Variants in GALNT17 observed in about 807,000 individuals in gnomAD.
GALNT17 encodes the protein UDP-GalNAc:polypeptide N-acetylgalactosaminyltransferase-like 3.
In GALNT17, 29 loss-of-function variants were observed where a neutral mutation model predicts 63.7. The ratio of observed to expected loss-of-function variants is 0.46; its 90% CI spans 0.34 to 0.62. The LOEUF is 0.62. Among genes scored for constraint, GALNT17 ranks in the 20% least tolerant of loss-of-function variants. GALNT17 has a pLI of 0.01. For synonymous variants in GALNT17, 305 were observed against 318.3 expected, an observed-to-expected ratio of 0.96 and a Z score of 0.45; for missense variants, 603 against 799.6, an observed-to-expected ratio of 0.75 and a Z score of 2.97.
At chr7:71,558,899 C>A (rs1224042024) in intron 5 of GALNT17, among the ~76,000 whole-genome samples, 3 of 152,154 alleles carry the variant, frequency 2.0e-5, no homozygotes, top group African/African-American at 7.2e-5. Context: ...CTTCAGTCAC[C>A]ACTGGCGTTT....
At position 71,175,851 on chromosome 7, in the gene GALNT17, T is replaced by C. The variant is rs140108653; in HGVS notation, c.238+42811T>C. Among the ~76,000 whole-genome samples, 43 of 152,202 alleles carry C rather than the reference T, an allele frequency of 2.8e-4. No individual in the cohort carries two copies. The East Asian group carries it at 7.7e-3, about 27-fold the overall frequency. ...AGGGGTTCAAGGCTGCAATGAGCCA[T>C]GTTTGTGCCACTACCCTCCAGCCTG... On this transcript the variant is annotated intron_variant, in intron 1 of 10. Coordinates refer to ENST00000333538, the MANE Select transcript of GALNT17 (RefSeq NM_022479.3).
At chr7:71,343,468 G>A (rs776218481) in intron 2 of GALNT17, among the ~76,000 whole-genome samples, 12 of 152,110 alleles carry the variant, frequency 7.9e-5, no homozygotes, top group Non-Finnish European at 1.5e-4. Flanking sequence ...CCATTTGTTT[G>A]TCACATTTCA....
intron 2 of GALNT17, among the ~76,000 whole-genome samples, chr7:71,358,352 G>A (rs944881701): frequency 6.6e-6 from 1 of 152,208 alleles, no homozygotes; most frequent in African/African-American, 2.4e-5. Flanking sequence ...TCGAGATTGC[G>A]CCATTGCACT....
At chr7:71,697,239 C>T (rs907879658) in intron 9 of GALNT17, among the ~76,000 whole-genome samples, 1 of 152,078 alleles carries the variant, frequency 6.6e-6, no homozygotes, top group Non-Finnish European at 1.5e-5. Flanking sequence ...ATGGTTATAA[C>T]CTGCAGGACT....
intron 3 of GALNT17, among the ~76,000 whole-genome samples, chr7:71,396,582 T>C (rs1210050144): frequency 6.6e-6 from 1 of 152,160 alleles, no homozygotes; most frequent in African/African-American, 2.4e-5. Flanking sequence ...TTTTTCAAGA[T>C]TGTTATGTCT....
intron 5 of GALNT17, among the ~76,000 whole-genome samples, chr7:71,445,179 CTTTTTTT>C (rs748963165): frequency 1.5e-5 from 2 of 130,428 alleles, no homozygotes; most frequent in South Asian, 2.5e-4. Flanking sequence ...TTCTTTCTTT[CTTTTTTT>C]TTTTTTTTTT....
At chr7:71,690,750 G>C (rs959268748) in intron 9 of GALNT17, among the ~76,000 whole-genome samples, 12 of 152,246 alleles carry the variant, frequency 7.9e-5, no homozygotes, top group African/African-American at 2.6e-4. Flanking sequence ...GGGTTTCAAG[G>C]CTTCAGTGGA....
At chr7:71,544,436 C>G (rs1383669211) in intron 5 of GALNT17, among the ~76,000 whole-genome samples, 1 of 152,000 alleles carries the variant, frequency 6.6e-6, no homozygotes, top group Non-Finnish European at 1.5e-5. Flanking sequence ...GCCACCACAC[C>G]CGGCCAAGGC....
At chr7:71,248,303 C>G (rs892734638) in intron 1 of GALNT17, among the ~76,000 whole-genome samples, 4 of 152,080 alleles carry the variant, frequency 2.6e-5, no homozygotes, top group Non-Finnish European at 5.9e-5. Context: ...TCCACTAGGT[C>G]CCCCCCTCAA....
intron 6 of GALNT17, among the ~76,000 whole-genome samples, chr7:71,642,526 T>A (rs1057396792): frequency 6.6e-6 from 1 of 152,148 alleles, no homozygotes; most frequent in Non-Finnish European, 1.5e-5. Flanking sequence ...AAGAAAGATT[T>A]TCCTTTACCA....
intron 1 of GALNT17, among the ~76,000 whole-genome samples, chr7:71,197,619 A>G (rs532942249): frequency 2.6e-5 from 4 of 152,162 alleles, no homozygotes; most frequent in Non-Finnish European, 5.9e-5. Context: ...AGCCTCTGGT[A>G]ACCATCCTTT....
intron 1 of GALNT17, among the ~76,000 whole-genome samples, chr7:71,166,581 G>C (rs1365418052): frequency 6.6e-6 from 1 of 152,172 alleles, no homozygotes; most frequent in African/African-American, 2.4e-5. Context: ...CCTCTTTCTA[G>C]AGTTTAACAT....
At chr7:71,239,821 A>C (rs567004179) in intron 1 of GALNT17, among the ~76,000 whole-genome samples, 1 of 152,232 alleles carries the variant, frequency 6.6e-6, no homozygotes, top group Non-Finnish European at 1.5e-5. Context: ...TAAGCCATCC[A>C]TTTAGGAAAT....
intron 1 of GALNT17, among the ~76,000 whole-genome samples, chr7:71,330,185 G>A (rs1028517628): frequency 4.6e-5 from 7 of 151,772 alleles, no homozygotes; most frequent in Non-Finnish European, 1.0e-4. Context: ...GTTAATTTTT[G>A]TATTTTTAGT....
At chr7:71,177,263 A>G (rs1788656447) in intron 1 of GALNT17, among the ~76,000 whole-genome samples, 1 of 152,166 alleles carries the variant, frequency 6.6e-6, no homozygotes, top group African/African-American at 2.4e-5. Flanking sequence ...CTTGGGGAAT[A>G]GGACAGAGCC....
At chr7:71,601,828 A>T (rs1359322321) in intron 6 of GALNT17, among the ~76,000 whole-genome samples, 1 of 152,158 alleles carries the variant, frequency 6.6e-6, no homozygotes, top group African/African-American at 2.4e-5. Flanking sequence ...AAATTGGGAA[A>T]TTACCCAAGA....
intron 3 of GALNT17, among the ~76,000 whole-genome samples, chr7:71,406,232 T>C (rs924902184): frequency 1.3e-5 from 2 of 152,114 alleles, no homozygotes; most frequent in Non-Finnish European, 2.9e-5. Flanking sequence ...TGAAAAATAG[T>C]GATTGTCAGC....
intron 5 of GALNT17, among the ~76,000 whole-genome samples, chr7:71,501,638 A>G (rs1788182115): frequency 1.3e-5 from 2 of 152,064 alleles, no homozygotes; most frequent in African/African-American, 4.8e-5. Context: ...GCCAAAACCC[A>G]TGTCCTGAGT....
chr7:71,388,352 C>A lies in GALNT17; in HGVS notation c.540C>A (p.Pro180=). 6.2e-7 allele frequency: 1 copy of A among 1,614,018 alleles called. No individual in the cohort carries two copies. Among genetic ancestry groups the A allele is most frequent in the Admixed American group, 1.7e-5 (1 of 60,012 alleles). ...RSVHSAVNHT[P]THLLKEIILV... The stretch of plus-strand genomic sequence containing the variant: ...TGCACAGTGCCGTCAATCACACGCC[C>A]ACACACCTGCTGAAGGAAATCATTC... The change falls in exon 3 of 11, where the codon CCC becomes CCA. Residue 180 remains proline, a synonymous_variant. Transcript: ENST00000333538.
Sources: allele counts gnomAD v4.1 joint callset (sites outside exome capture counted in the v4.1 genomes callset), GRCh38; gene constraint gnomAD v4.1.1; transcripts MANE v1.5; gene names NCBI Gene and HGNC (gene_info 2026-07-23, HGNC 2026-07-21).